MALRD1: variants seen among roughly 807,000 people sequenced by gnomAD.
The protein encoded by MALRD1 is MAM and LDL receptor class A domain containing 1, also known as MAM and LDL-receptor class A domain-containing protein 1.
Under a neutral mutation model 242.1 loss-of-function variants are expected in MALRD1, and 247 were observed. The observed-to-expected ratio is 1.02, with a 90% confidence interval of 0.92 to 1.13. The LOEUF is 1.13. Among genes scored for constraint, MALRD1 ranks in the 50% most tolerant of loss-of-function variants. The pLI is 0.00. For synonymous variants in MALRD1, 995 were observed against 866.6 expected (o/e 1.15, Z -2.60); for missense variants, 2,989 against 2,533.1 (o/e 1.18, Z -3.86).
At chr10:19,733,224 T>C (rs528444348) in intron 39 of MALRD1, among the ~76,000 whole-genome samples, 59 of 152,320 alleles carry the variant, frequency 3.9e-4, no homozygotes, top group Non-Finnish European at 7.9e-4. Context: ...GCAATATTCA[T>C]TGTAAGCAAC....
intron 31 of MALRD1, among the ~76,000 whole-genome samples, chr10:19,523,980 T>A (rs1429448976): frequency 6.6e-6 from 1 of 152,214 alleles, no homozygotes; most frequent in African/African-American, 2.4e-5. Flanking sequence ...GAACAAAATA[T>A]AATTTATGAC....
intron 21 of MALRD1, among the ~76,000 whole-genome samples, chr10:19,308,364 T>A (rs980617288): frequency 6.6e-6 from 1 of 151,570 alleles, no homozygotes; most frequent in Non-Finnish European, 1.5e-5. Flanking sequence ...GTAAACTATA[T>A]GGTATATTAT....
chr10:19,527,625 G>A (rs1024613904), intron 31 of MALRD1, among the ~76,000 whole-genome samples: 4 of 152,106 alleles, frequency 2.6e-5, no homozygotes, highest in Non-Finnish European at 5.9e-5. Context: ...ACATGTTATA[G>A]TATTTGAGAA....
At chr10:19,082,709 A>C (rs1434683642) in intron 2 of MALRD1, among the ~76,000 whole-genome samples, 1 of 151,902 alleles carries the variant, frequency 6.6e-6, no homozygotes, top group African/African-American at 2.4e-5. Context: ...TCTGGAAATC[A>C]GATGCTCACT....
intron 32 of MALRD1, among the ~76,000 whole-genome samples, chr10:19,555,091 G>A (rs1835657191): frequency 6.6e-6 from 1 of 151,460 alleles, no homozygotes; most frequent in South Asian, 2.1e-4. Flanking sequence ...CATTCTGACT[G>A]GCATGAGATG....
In MALRD1 at chr10:19,674,399, T is replaced by C. The variant is rs571533887; in HGVS notation, c.6138-17883T>C. Among the ~76,000 whole-genome samples the C allele has an allele frequency of 3.9e-5, 6 of 152,322 alleles. No individual in the cohort carries two copies. The East Asian group carries it at 9.7e-4, about 25-fold the overall frequency. ...GCCATTGAAAAATTTCCTGTTTTAG[T>C]TGAGCAAGTAGAGAACCTCCTTGTT... On this transcript the variant is annotated intron_variant, in intron 36 of 39. Coordinates refer to ENST00000454679, the MANE Select transcript of MALRD1 (RefSeq NM_001142308.3).
intron 28 of MALRD1, among the ~76,000 whole-genome samples, chr10:19,443,141 A>G (rs1834765506): frequency 6.6e-6 from 1 of 152,094 alleles, no homozygotes; most frequent in South Asian, 2.1e-4. Context: ...GGTAGTTTGT[A>G]TTTCTGTGGG....
intron 18 of MALRD1, among the ~76,000 whole-genome samples, chr10:19,233,247 G>C (rs2131703479): frequency 6.6e-6 from 1 of 152,190 alleles, no homozygotes. Flanking sequence ...CACGCCTGTA[G>C]TCCCAGCTCT....
intron 19 of MALRD1, among the ~76,000 whole-genome samples, chr10:19,264,442 CCTTTTTTCTTTTT>C (rs1469792194): frequency 6.7e-6 from 1 of 148,896 alleles, no homozygotes; most frequent in Non-Finnish European, 1.5e-5. Context: ...ATTTTTTTTT[CCTTTTTTCTTTTT>C]CTTTTTTTTT....
intron 21 of MALRD1, among the ~76,000 whole-genome samples, chr10:19,291,914 A>G (rs369729707): frequency 6.6e-6 from 1 of 151,558 alleles, no homozygotes; most frequent in Non-Finnish European, 1.5e-5. Flanking sequence ...GTGAAACCCC[A>G]TCTCTATTAA....
intron 28 of MALRD1, among the ~76,000 whole-genome samples, chr10:19,401,261 C>T (rs929171769): frequency 2.6e-5 from 4 of 152,126 alleles, no homozygotes; most frequent in Admixed American, 1.3e-4. Flanking sequence ...TTTAACATAG[C>T]ACTGCTTTCA....
Position 19,567,568 on chromosome 10 carries a change from G to T in MALRD1, c.5545G>T (p.Gly1849Ter). ...VWSVIGNKRTGWTYGSVPLSS... is the reference protein window; with the variant it reads ...VWSVIGNKRT Reference sequence around the variant, plus strand: ...GTCAGTGATTGGAAATAAAAGAACGGGATGGACATATGGCTCTGTGCCTCT... The same window carrying T: ...GTCAGTGATTGGAAATAAAAGAACGTGATGGACATATGGCTCTGTGCCTCT... The change falls in exon 33 of 40, where the codon GGA (glycine) becomes TGA (stop). Residue 1849 changes from glycine to a stop codon, truncating the protein, a stop_gained. Coordinates refer to ENST00000454679, the MANE Select transcript of MALRD1 (RefSeq NM_001142308.3). LOFTEE classifies it high-confidence loss of function. 6.5e-7 allele frequency: 1 copy of T among 1,550,386 alleles called. No homozygotes were observed. Among genetic ancestry groups the T allele is most frequent in the Non-Finnish European group, 8.7e-7 (1 of 1,146,936 alleles).
chr10:19,614,382 G>C (rs1032056475), intron 35 of MALRD1, among the ~76,000 whole-genome samples: 1 of 151,880 alleles, frequency 6.6e-6, no homozygotes, highest in Non-Finnish European at 1.5e-5. Context: ...AAATTTGTTC[G>C]ATTAAAATTA....
intron 20 of MALRD1, among the ~76,000 whole-genome samples, chr10:19,282,260 C>T (rs535404073): frequency 6.6e-6 from 1 of 152,212 alleles, no homozygotes; most frequent in Admixed American, 6.5e-5. Context: ...TGACTGAAAA[C>T]ACTTTTTTAA....
intron 1 of MALRD1, among the ~76,000 whole-genome samples, chr10:19,056,840 G>A (rs150422168): frequency 4.6e-5 from 7 of 151,962 alleles, no homozygotes; most frequent in African/African-American, 9.7e-5. Context: ...GGCTTTTACC[G>A]TATTCTGTCT....
At chr10:19,354,731 T>G (rs1381390716) in intron 26 of MALRD1, among the ~76,000 whole-genome samples, 1 of 152,062 alleles carries the variant, frequency 6.6e-6, no homozygotes, top group African/African-American at 2.4e-5. Context: ...TATTTCCAAA[T>G]AACTAGAGGA....
chr10:19,321,510 G>A, intron 21 of MALRD1, among the ~76,000 whole-genome samples: 1 of 152,100 alleles, frequency 6.6e-6, no homozygotes. Context: ...ATGCATGATA[G>A]ATGTAAATAG....
chr10:19,458,965 T>A (rs1457319344), intron 29 of MALRD1, among the ~76,000 whole-genome samples: 1 of 152,028 alleles, frequency 6.6e-6, no homozygotes, highest in East Asian at 1.9e-4. Flanking sequence ...AAGTATATCA[T>A]CAAGCCCATC....
intron 13 of MALRD1, 102 bp downstream of exon 13, chr10:19,165,912 G>A: frequency 1.2e-6 from 1 of 850,262 alleles, no homozygotes; most frequent in Non-Finnish European, 1.6e-6. Flanking sequence ...CTTTTCAGGT[G>A]AGCACATATG....
Sources: gnomAD v4.1 joint callset for allele counts (sites outside exome capture counted in the v4.1 genomes callset) on GRCh38, gnomAD v4.1.1 for gene constraint, MANE v1.5 for transcripts, NCBI Gene and HGNC (gene_info 2026-07-23, HGNC 2026-07-21) for gene names.